The following HLA-F variants were observed in gnomAD, a reference collection of about 807,000 sequenced individuals.
HLA-F encodes the protein HLA class I histocompatibility antigen, alpha chain F.
Under a neutral mutation model 49.5 loss-of-function variants are expected in HLA-F, and 46 were observed. The observed-to-expected ratio is 0.93, with a 90% CI of 0.73 to 1.19. The LOEUF is 1.19. Ranked by LOEUF, HLA-F falls within the 50% of genes most tolerant of loss-of-function variation. The pLI is 0.00. For missense variants in HLA-F, 496 were observed against 579.6 expected (o/e 0.86, Z 1.48); for synonymous variants, 203 against 233.5 (o/e 0.87, Z 1.19).
rs531876629 is a variant in HLA-F at position 29,724,283 on chromosome 6, G to C, written c.445G>C (p.Glu149Gln). The change falls in exon 3 of 7, where the codon GAG (glutamate) becomes CAG (glutamine). Residue 149 changes from glutamate (E) to glutamine (Q), a missense_variant. Transcript: ENST00000259951. ...YDGKDYISLN[E>Q]DLRSWTAADT... ...CGGCAAGGATTACATCTCCCTGAAC[G>C]AGGACCTGCGCTCCTGGACCGCGGC... 5 of 1,613,274 alleles carry C rather than the reference G, an allele frequency of 3.1e-6. No individual in the cohort carries two copies. In the South Asian group the frequency reaches 3.3e-5, roughly 11 times the overall value.
chr6:29,727,325 C>A, downstream of HLA-F: 1 of 531,446 alleles, frequency 1.9e-6, no homozygotes, highest in Non-Finnish European at 3.2e-6. Flanking sequence ...TCAAATATCT[C>A]CACTTCTTTC....
At position 29,724,552 on chromosome 6, in the gene HLA-F, C is replaced by G. The variant is rs535723133; in HGVS notation, c.610+104C>G. 4.2e-6 allele frequency: 5 copies of G among 1,188,510 alleles called. No individual in the cohort carries two copies. The South Asian group carries it at 7.2e-5, about 17-fold the overall frequency. 73.6% of individuals were successfully genotyped at this position (1,188,510 alleles called of 1,614,324 possible). On this transcript the variant is annotated intron_variant, in intron 3 of 6. Coordinates refer to ENST00000259951, the MANE Select transcript of HLA-F (RefSeq NM_001098479.2). ...GACCCAATGCTAGGATATCGCCCTC[C>G]CTCTAGTCCTGAGTAGGAAGAATCT...
chr6:29,729,170 C>T (rs1367502144), downstream of HLA-F: 1 of 152,172 alleles, frequency 6.6e-6, no homozygotes, highest in East Asian at 1.9e-4. Context: ...CAGCATGTTT[C>T]AGCCTGTCTA....
rs777669425 is a variant in HLA-F, at chr6:29,725,086, G to A, written c.666G>A (p.Leu222=). 9.3e-6 allele frequency: 15 copies of A among 1,614,048 alleles called. No individual in the cohort carries two copies. Among genetic ancestry groups the A allele is most frequent in the Non-Finnish European group, 1.3e-5 (15 of 1,179,914 alleles). ...CCATCTCTGACCATGAGGCCACCCT[G>A]AGGTGCTGGGCCCTGGGCTTCTACC... The part of the protein sequence containing the change: ...HHPISDHEAT[L]RCWALGFYPA... The change falls in exon 4 of 7, where the codon CTG becomes CTA. Residue 222 remains leucine, a synonymous_variant. Transcript: ENST00000259951.
At chr6:29,724,143 T>C in intron 2 of HLA-F, 30 bp from the exon 3 acceptor site, 1 of 1,611,694 alleles carries the variant, frequency 6.2e-7, no homozygotes, top group Non-Finnish European at 8.5e-7. Flanking sequence ...CGGGGCTAGC[T>C]GGGCGGGGCT....
chr6:29,736,533 A>G, intron 3 of HLA-F: 1 of 384,850 alleles, frequency 2.6e-6, no homozygotes, highest in Non-Finnish European at 5.1e-6. Context: ...TGGACAAACC[A>G]TAAGTGGGCC....
At chr6:29,730,627 C>G (rs9258192), downstream of HLA-F, among the ~76,000 whole-genome samples, 25,709 of 152,128 alleles carry the variant, frequency 0.17, 2,555 homozygotes, top group East Asian at 0.3. Flanking sequence ...CTGCCACCAC[C>G]CGAGAGCCAC....
downstream of HLA-F, among the ~76,000 whole-genome samples, chr6:29,727,776 T>C (rs1205497193): frequency 4.6e-5 from 7 of 152,160 alleles, no homozygotes; most frequent in Non-Finnish European, 1.0e-4. Flanking sequence ...TGTGATATTC[T>C]GGCAATAGGA....
At chr6:29,728,036 T>C (rs1471807747), downstream of HLA-F, 1 of 519,038 alleles carries the variant, frequency 1.9e-6, no homozygotes, top group Non-Finnish European at 3.8e-6. Flanking sequence ...ACATTAGCTA[T>C]GTCTGGAAAA....
chr6:29,733,208 AAAAC>A (rs1429939917), intron 3 of HLA-F, among the ~76,000 whole-genome samples: 1 of 152,094 alleles, frequency 6.6e-6, no homozygotes, highest in Admixed American at 6.5e-5. Context: ...AACGAAAACA[AAAAC>A]AAACCACCAC....
Position 29,726,866 on chromosome 6 carries a change from T to C in HLA-F, c.1037-17T>C, listed in dbSNP as rs1389378158. 1 of 1,600,346 alleles carries C rather than the reference T, an allele frequency of 6.2e-7. No individual in the cohort carries two copies. The highest frequency in any genetic ancestry group is 8.5e-7 in the Non-Finnish European group (1 of 1,179,492). ...CAGTGAACACAAGTAGGCTGTTGTT[T>C]TCTATCTTCTTCACAGCCTACTCAG... On this transcript the variant is annotated splice_polypyrimidine_tract_variant and intron_variant, in intron 6 of 6. Transcript: ENST00000259951.
In HLA-F at chr6:29,723,912, A is replaced by C. The variant is rs1208714126; in HGVS notation, c.319A>C (p.Asn107His). 18 of 1,596,036 alleles carry C rather than the reference A, an allele frequency of 1.1e-5. No homozygotes were observed. The highest frequency in any genetic ancestry group is 1.5e-5 in the Non-Finnish European group (18 of 1,171,298). The change falls in exon 2 of 7, where the codon AAC (asparagine) becomes CAC (histidine). Residue 107 changes from asparagine (N) to histidine (H), a missense_variant. Asn to His is a moderately conservative substitution (Grantham distance 68). Transcript: ENST00000259951. ...VALRNLLRRYNQSEAGSHTLQ... is the reference protein window; with the variant it reads ...VALRNLLRRYHQSEAGSHTLQ... ...CCTGAGGAACCTGCTCCGCCGCTAC[A>C]ACCAGAGCGAGGCTGGTGAGTGAAC... is the stretch of plus-strand genomic sequence containing the variant.
intron 6 of HLA-F, chr6:29,726,268 G>GT (rs9280678): frequency 9.2e-6 from 9 of 981,076 alleles, no homozygotes; most frequent in East Asian, 2.5e-5. Context: ...GTGGGGTGTT[G>GT]GGGGGGAACA....
chr6:29,729,008 G>C (rs1000094516), downstream of HLA-F: 5 of 151,742 alleles, frequency 3.3e-5, no homozygotes, highest in African/African-American at 9.7e-5. Flanking sequence ...ATTTTTTTTG[G>C]CTCTAAGTGG....
intron 3 of HLA-F, among the ~76,000 whole-genome samples, chr6:29,732,921 C>T (rs1209416062): frequency 1.3e-5 from 2 of 152,152 alleles, no homozygotes; most frequent in Non-Finnish European, 2.9e-5. Context: ...GGCGCCTTGG[C>T]TCATTCCTGT....
At chr6:29,729,789 A>T (rs1776406415), downstream of HLA-F, among the ~76,000 whole-genome samples, 1 of 152,272 alleles carries the variant, frequency 6.6e-6, no homozygotes, top group African/African-American at 2.4e-5. Flanking sequence ...AAGAACTATG[A>T]CTTAACAACA....
chr6:29,727,070 C>A lies in HLA-F; in HGVS notation c.1224C>A (p.Ala408=), dbSNP rs557722203. The change falls in exon 7 of 7, where the codon GCC becomes GCA. Residue 408 remains alanine, a synonymous_variant. Coordinates refer to ENST00000259951, the MANE Select transcript of HLA-F (RefSeq NM_001098479.2). Reference sequence around the variant, plus strand: ...CATCTTTCAACACTGCCTTCTTGGCCTTGCAAAGCCTTCGCTTTGGCTTCG... The same window carrying A: ...CATCTTTCAACACTGCCTTCTTGGCATTGCAAAGCCTTCGCTTTGGCTTCG... ...LWTSFNTAFL[A]LQSLRFGFGF... The A allele has an allele frequency of 6.2e-7, 1 of 1,613,082 alleles. No individual in the cohort carries two copies. Among genetic ancestry groups the A allele is most frequent in the Non-Finnish European group, 8.5e-7 (1 of 1,180,032 alleles).
downstream of HLA-F, among the ~76,000 whole-genome samples, chr6:29,731,135 G>A (rs1038456579): frequency 2.0e-5 from 3 of 152,020 alleles, no homozygotes; most frequent in Non-Finnish European, 4.4e-5. Flanking sequence ...TTTATCAGTG[G>A]CAATTATCAC....
Position 29,727,230 on chromosome 6 carries a change from C to A in HLA-F, c.*55C>A. 2 of 1,069,072 alleles carry A rather than the reference C, an allele frequency of 1.9e-6. No homozygotes were observed. The highest frequency in any genetic ancestry group is 1.6e-5 in the South Asian group (1 of 64,266). 66.2% of individuals were successfully genotyped at this position (1,069,072 alleles called of 1,614,324 possible). ...GATACTAGACCACTAAATACTTCATCACACACCTCCTAAGAATAAGAACCA... is the reference window on the plus strand; with the variant it reads ...GATACTAGACCACTAAATACTTCATAACACACCTCCTAAGAATAAGAACCA... On this transcript the variant is annotated 3_prime_UTR_variant, in exon 7 of 7. Transcript: ENST00000259951.
Sources: gnomAD v4.1 joint callset for allele counts (sites outside exome capture counted in the v4.1 genomes callset) on GRCh38, gnomAD v4.1.1 for gene constraint, MANE v1.5 for transcripts, NCBI Gene and HGNC (gene_info 2026-07-23, HGNC 2026-07-21) for gene names.